Variants in WDPCP observed in about 807,000 individuals in gnomAD.
The protein encoded by WDPCP is WD repeat containing planar cell polarity effector.
In WDPCP, 71 loss-of-function variants were observed where a neutral mutation model predicts 93.1. The observed-to-expected ratio is 0.76, with a 90% CI of 0.63 to 0.93. WDPCP has a LOEUF of 0.93. Ranked by LOEUF, WDPCP falls within the 40% of genes least tolerant of loss-of-function variation. The pLI is 0.00. For synonymous variants in WDPCP, 315 were observed against 315.0 expected, an observed-to-expected ratio of 1.00 and a Z score of 0.00; for missense variants, 844 against 887.4, an observed-to-expected ratio of 0.95 and a Z score of 0.62.
intron 13 of WDPCP, among the ~76,000 whole-genome samples, chr2:63,273,827 GCACA>G (rs375454800): frequency 9.1e-5 from 5 of 54,724 alleles, no homozygotes; most frequent in Admixed American, 3.5e-4. Context: ...ACACACACAC[GCACA>G]CACACACACA....
intron 12 of WDPCP, among the ~76,000 whole-genome samples, chr2:63,371,997 G>A (rs892255777): frequency 6.6e-6 from 1 of 152,150 alleles, no homozygotes; most frequent in Admixed American, 6.6e-5. Flanking sequence ...AATTTATAAA[G>A]AAAAGAGGTT....
At chr2:63,494,248 GA>G (rs1701067931) in intron 1 of WDPCP, among the ~76,000 whole-genome samples, 1 of 151,646 alleles carries the variant, frequency 6.6e-6, no homozygotes, top group South Asian at 2.1e-4. Flanking sequence ...GGTCCTCAAA[GA>G]AGGATAAGAT....
At chr2:63,610,812 C>T (rs1477348381) in intron 3 of WDPCP, among the ~76,000 whole-genome samples, 2 of 152,146 alleles carry the variant, frequency 1.3e-5, no homozygotes, top group South Asian at 2.1e-4. Flanking sequence ...AGATACTTAG[C>T]GTCAGGCACA....
At chr2:63,749,913 G>T (rs1304706011) in intron 2 of WDPCP, among the ~76,000 whole-genome samples, 1 of 151,958 alleles carries the variant, frequency 6.6e-6, no homozygotes, top group Non-Finnish European at 1.5e-5. Flanking sequence ...TCTTAATTTT[G>T]CTATTATTGT....
intron 1 of WDPCP, among the ~76,000 whole-genome samples, chr2:63,516,197 T>C (rs892014298): frequency 1.3e-5 from 2 of 152,034 alleles, no homozygotes; most frequent in South Asian, 2.1e-4. Context: ...TGACACATAA[T>C]AGACATATTT....
At chr2:63,522,455 GACACACACACACACAC>G (rs112008719) in intron 1 of WDPCP, among the ~76,000 whole-genome samples, 7 of 127,216 alleles carry the variant, frequency 5.5e-5, no homozygotes, top group Non-Finnish European at 9.8e-5. Flanking sequence ...CAGACAGACA[GACACACACACACACAC>G]ACACACACAC....
At chr2:63,157,516 C>T (rs138024635) in intron 15 of WDPCP, among the ~76,000 whole-genome samples, 1 of 152,114 alleles carries the variant, frequency 6.6e-6, no homozygotes, top group Non-Finnish European at 1.5e-5. Context: ...ACCTGGAGAT[C>T]TCTTTTACAG....
At chr2:63,589,828 T>G (rs1709132248), upstream of WDPCP, 1 of 217,782 alleles carries the variant, frequency 4.6e-6, no homozygotes, top group Non-Finnish European at 9.5e-6. Context: ...GTAGGAATAA[T>G]CTGCGTACTG....
At chr2:63,125,495 G>T (rs1277058391) in intron 17 of WDPCP, among the ~76,000 whole-genome samples, 7 of 152,136 alleles carry the variant, frequency 4.6e-5, no homozygotes, top group African/African-American at 1.7e-4. Context: ...GTCTTGCTAG[G>T]TTCTCCATGC....
intron 14 of WDPCP, among the ~76,000 whole-genome samples, chr2:63,210,579 A>G (rs1344895945): frequency 6.6e-6 from 1 of 152,122 alleles, no homozygotes; most frequent in Non-Finnish European, 1.5e-5. Flanking sequence ...TACTGGGTTC[A>G]TCTCACTGGG....
At chr2:63,451,771 GATGCAAGGCTGGTTCAACAT>G (rs1296542024) in intron 6 of WDPCP, among the ~76,000 whole-genome samples, 2 of 152,154 alleles carry the variant, frequency 1.3e-5, no homozygotes, top group South Asian at 4.1e-4. Context: ...TCATCCCTGG[GATGCAAGGCTGGTTCAACAT>G]ATGCAAATCA....
intron 11 of WDPCP, among the ~76,000 whole-genome samples, chr2:63,379,615 C>T (rs962890881): frequency 3.9e-5 from 6 of 152,050 alleles, no homozygotes; most frequent in East Asian, 1.9e-4. Flanking sequence ...CTGAAATATT[C>T]GAACCTACAT....
intron 13 of WDPCP, among the ~76,000 whole-genome samples, chr2:63,266,597 G>C (rs1682140880): frequency 6.6e-6 from 1 of 152,168 alleles, no homozygotes; most frequent in Non-Finnish European, 1.5e-5. Context: ...CACGAGGTCA[G>C]GAGTTCAAGG....
chr2:63,785,802 T>C (rs979183331), intron 2 of WDPCP, among the ~76,000 whole-genome samples: 1 of 152,190 alleles, frequency 6.6e-6, no homozygotes, highest in Non-Finnish European at 1.5e-5. Flanking sequence ...ATCTAGTTTT[T>C]ATATGATTGT....
At chr2:63,401,689 C>T (rs1694163720) in intron 10 of WDPCP, among the ~76,000 whole-genome samples, 1 of 152,146 alleles carries the variant, frequency 6.6e-6, no homozygotes, top group Admixed American at 6.5e-5. Context: ...CCTGTAATCC[C>T]AGCTACTCAG....
At chr2:63,494,287 T>TGACGACGATGATGACGACGAC (rs1553411023) in intron 1 of WDPCP, among the ~76,000 whole-genome samples, 1 of 150,334 alleles carries the variant, frequency 6.7e-6, no homozygotes, top group African/African-American at 2.5e-5. Flanking sequence ...ATGATGATGA[T>TGACGACGATGATGACGACGAC]GACGACGACG....
intron 2 of WDPCP, among the ~76,000 whole-genome samples, chr2:63,768,587 G>A (rs537216945): frequency 1.3e-5 from 2 of 152,128 alleles, no homozygotes; most frequent in African/African-American, 4.8e-5. Context: ...TATTTTCTAA[G>A]AAATTCCCCA....
intron 17 of WDPCP, among the ~76,000 whole-genome samples, chr2:63,135,214 A>T (rs1670534235): frequency 6.6e-6 from 1 of 152,244 alleles, no homozygotes; most frequent in Non-Finnish European, 1.5e-5. Flanking sequence ...AATTCAGGGC[A>T]CGTGATGTTT....
chr2:63,727,469 T>C (rs1238617325), intron 2 of WDPCP, among the ~76,000 whole-genome samples: 1 of 152,226 alleles, frequency 6.6e-6, no homozygotes, highest in Non-Finnish European at 1.5e-5. Context: ...TGAGGAGTTT[T>C]ACATCTATGC....
Sources: gnomAD v4.1 joint callset for allele counts (sites outside exome capture counted in the v4.1 genomes callset) on GRCh38, gnomAD v4.1.1 for gene constraint, MANE v1.5 for transcripts, NCBI Gene and HGNC (gene_info 2026-07-23, HGNC 2026-07-21) for gene names.